The following AKAP19 variants were observed in gnomAD, a reference collection of about 807,000 sequenced individuals.
AKAP19 encodes small A-kinase anchoring protein.
At chr2:190,106,762 TC>T in the AKAP19 span, among the ~76,000 whole-genome samples, 4 of 152,164 alleles carry the variant, frequency 2.6e-5, no homozygotes, top group Admixed American at 6.6e-5. Flanking sequence ...ATATTATTTG[TC>T]TGTGTCTAAA....
the AKAP19 span, among the ~76,000 whole-genome samples, chr2:190,077,458 A>G: frequency 6.6e-6 from 1 of 151,082 alleles, no homozygotes; most frequent in African/African-American, 2.5e-5. Context: ...TTAACATGTT[A>G]ACATGTTAAC....
the AKAP19 span, chr2:190,180,444 C>T: frequency 1.0e-6 from 1 of 984,894 alleles, no homozygotes; most frequent in Non-Finnish European, 1.2e-6. The surrounding 1 kb of genome is among the most constrained non-coding windows in gnomAD (Gnocchi z 6.8). Context: ...GGGCCGAGAC[C>T]AGGGGCAGGG....
At chr2:189,984,048 G>A in the AKAP19 span, among the ~76,000 whole-genome samples, 1 of 152,116 alleles carries the variant, frequency 6.6e-6, no homozygotes, top group African/African-American at 2.4e-5. Flanking sequence ...AAGGCAAGTG[G>A]AGGCAGGACG....
the AKAP19 span, among the ~76,000 whole-genome samples, chr2:189,951,248 C>T: frequency 8.1e-6 from 1 of 123,774 alleles, no homozygotes; most frequent in East Asian, 2.5e-4. Context: ...TTCCCCCAGG[C>T]TGGAGTGCAA....
At chr2:190,063,094 C>G in the AKAP19 span, among the ~76,000 whole-genome samples, 1 of 151,862 alleles carries the variant, frequency 6.6e-6, no homozygotes, top group Non-Finnish European at 1.5e-5. Flanking sequence ...ATTACTTCCT[C>G]AAAAACTAAA....
the AKAP19 span, among the ~76,000 whole-genome samples, chr2:189,895,734 T>A: frequency 6.6e-6 from 1 of 152,124 alleles, no homozygotes; most frequent in Non-Finnish European, 1.5e-5. Context: ...AGCAACTAAA[T>A]GTTTTTGAAT....
At chr2:189,900,213 A>G in the AKAP19 span, among the ~76,000 whole-genome samples, 7 of 152,214 alleles carry the variant, frequency 4.6e-5, no homozygotes, top group Admixed American at 2.6e-4. Context: ...TTTATAATGA[A>G]ATGCATTTTT....
At chr2:190,168,721 C>T in the AKAP19 span, among the ~76,000 whole-genome samples, 1 of 152,312 alleles carries the variant, frequency 6.6e-6, no homozygotes, top group Non-Finnish European at 1.5e-5. Context: ...CAAAATGTCA[C>T]CAGTCTCTTT....
chr2:190,135,785 G>A, the AKAP19 span, among the ~76,000 whole-genome samples: 1 of 152,176 alleles, frequency 6.6e-6, no homozygotes, highest in Non-Finnish European at 1.5e-5. Context: ...CACAAAATAA[G>A]CACTATACAA....
At chr2:189,990,243 T>C in the AKAP19 span, among the ~76,000 whole-genome samples, 4 of 152,222 alleles carry the variant, frequency 2.6e-5, no homozygotes, top group African/African-American at 9.6e-5. Context: ...CTATCACATA[T>C]GATTTTACCC....
At chr2:190,185,667 C>T in the AKAP19 span, among the ~76,000 whole-genome samples, 10 of 152,214 alleles carry the variant, frequency 6.6e-5, no homozygotes, top group African/African-American at 2.2e-4. Flanking sequence ...TTTTCCTCTA[C>T]CTGGAGGACC....
chr2:189,946,565 A>G, the AKAP19 span, among the ~76,000 whole-genome samples: 1 of 152,214 alleles, frequency 6.6e-6, no homozygotes, highest in East Asian at 1.9e-4. Flanking sequence ...GAAAAATAAT[A>G]TGATTTTTAG....
chr2:190,117,347 TA>T, the AKAP19 span, among the ~76,000 whole-genome samples: 1 of 152,222 alleles, frequency 6.6e-6, no homozygotes. Flanking sequence ...TGTTATCCTA[TA>T]ATGTTATTGT....
the AKAP19 span, among the ~76,000 whole-genome samples, chr2:190,037,717 T>G: frequency 6.6e-6 from 1 of 152,226 alleles, no homozygotes; most frequent in Non-Finnish European, 1.5e-5. Flanking sequence ...TAATTCTCTT[T>G]CTTCCTTAGG....
At chr2:190,136,458 ACATTATTGTTTCC>A in the AKAP19 span, among the ~76,000 whole-genome samples, 1 of 152,168 alleles carries the variant, frequency 6.6e-6, no homozygotes, top group Admixed American at 6.5e-5. Context: ...CAGGTAATTA[ACATTATTGTTTCC>A]CATTTTAGGG....
At chr2:190,042,708 T>C in the AKAP19 span, among the ~76,000 whole-genome samples, 2 of 152,212 alleles carry the variant, frequency 1.3e-5, no homozygotes, top group African/African-American at 4.8e-5. Flanking sequence ...ATAGTGGCTA[T>C]TAACATTAAG....
At chr2:190,053,573 C>A in the AKAP19 span, among the ~76,000 whole-genome samples, 1 of 152,134 alleles carries the variant, frequency 6.6e-6, no homozygotes, top group African/African-American at 2.4e-5. Flanking sequence ...ATACGTTTTG[C>A]AGTGTGTAAA....
chr2:190,041,375 G>GA, the AKAP19 span, among the ~76,000 whole-genome samples: 1 of 152,186 alleles, frequency 6.6e-6, no homozygotes, highest in African/African-American at 2.4e-5. Context: ...TTTGCATCCT[G>GA]AAAATTTGTT....
the AKAP19 span, among the ~76,000 whole-genome samples, chr2:189,958,995 G>C: frequency 6.6e-6 from 1 of 152,076 alleles, no homozygotes; most frequent in Non-Finnish European, 1.5e-5. Flanking sequence ...AGTGAGGAAA[G>C]TGGTGACCGC....
Sources: allele counts gnomAD v4.1 joint callset (sites outside exome capture counted in the v4.1 genomes callset), GRCh38; gene constraint gnomAD v4.1.1; non-coding constraint Gnocchi (gnomAD v3.1); transcripts MANE v1.5; gene names NCBI Gene and HGNC (gene_info 2026-07-23, HGNC 2026-07-21).